Variants in PCNT observed in about 807,000 individuals in gnomAD.
PCNT encodes pericentrin.
Under a neutral mutation model 380.4 loss-of-function variants are expected in PCNT, and 319 were observed. The observed-to-expected ratio is 0.84, with a 90% CI of 0.77 to 0.92. The LOEUF is 0.92. Among genes scored for constraint, PCNT ranks in the 40% least tolerant of loss-of-function variants. The pLI is 0.00. For synonymous variants in PCNT, 1,845 were observed against 1,735.2 expected (o/e 1.06, Z -1.57); for missense variants, 4,400 against 4,255.3 (o/e 1.03, Z -0.95).
chr21:46,410,049 G>A (rs1247379782), intron 27 of PCNT, among the ~76,000 whole-genome samples: 1 of 152,268 alleles, frequency 6.6e-6, no homozygotes, highest in African/African-American at 2.4e-5. Context: ...GGAATGAGCA[G>A]AAGCTGCGTA....
intron 29 of PCNT, 45 bp from the exon 30 acceptor site, chr21:46,416,024 G>C (rs756819010): frequency 1.2e-6 from 2 of 1,606,074 alleles, no homozygotes; most frequent in African/African-American, 2.7e-5. Flanking sequence ...GCGACTCCTG[G>C]TGAGCCAGGT....
At chr21:46,342,466 T>C (rs1042387412) in intron 3 of PCNT, among the ~76,000 whole-genome samples, 1 of 152,062 alleles carries the variant, frequency 6.6e-6, no homozygotes, top group African/African-American at 2.4e-5. Context: ...AGTGCAAAGG[T>C]TTTCTGTTTT....
chr21:46,428,584 A>G lies in PCNT; in HGVS notation c.7684A>G (p.Arg2562Gly), dbSNP rs755668556. ...RGSQQEHQLR[R>G]QVELLAYKVE... ...GAGCCAGCAGGAGCACCAGCTGCGC[A>G]GGCAGGGTGGGTGTCACTGTCTACA... Residue 2562 changes from arginine (R) to glycine (G), a missense_variant, in exon 35 of 47, where the codon AGG becomes GGG. Transcript: ENST00000359568. 3 of 1,596,868 alleles carry G rather than the reference A, an allele frequency of 1.9e-6. No homozygotes were observed. The highest frequency in any genetic ancestry group is 2.5e-6 in the Non-Finnish European group (3 of 1,177,488).
At chr21:46,362,220 C>T (rs1454794910) in intron 13 of PCNT, among the ~76,000 whole-genome samples, 2 of 152,164 alleles carry the variant, frequency 1.3e-5, no homozygotes, top group African/African-American at 2.4e-5. Flanking sequence ...GAGACGTGGG[C>T]GGGTTCCTTC....
At chr21:46,329,765 G>C (rs1224010307) in intron 2 of PCNT, among the ~76,000 whole-genome samples, 2 of 152,190 alleles carry the variant, frequency 1.3e-5, no homozygotes, top group Admixed American at 6.5e-5. Flanking sequence ...ACTTATAACT[G>C]TTGCTGTGAG....
At chr21:46,424,164 G>A (rs2087390228) in intron 32 of PCNT, among the ~76,000 whole-genome samples, 1 of 152,154 alleles carries the variant, frequency 6.6e-6, no homozygotes, top group African/African-American at 2.4e-5. Flanking sequence ...CGCTCTAATA[G>A]CCCCTGTGGT....
intron 27 of PCNT, among the ~76,000 whole-genome samples, chr21:46,407,359 TGAGACGGAG>T (rs2086650448): frequency 6.7e-6 from 1 of 148,332 alleles, no homozygotes; most frequent in South Asian, 2.1e-4. Flanking sequence ...TTTTTTTTTT[TGAGACGGAG>T]TCTTGCTCCG....
chr21:46,343,168 C>G (rs2083958152), intron 3 of PCNT, among the ~76,000 whole-genome samples: 1 of 152,120 alleles, frequency 6.6e-6, no homozygotes, highest in African/African-American at 2.4e-5. Flanking sequence ...CTTCTCTTGT[C>G]TGATTGCTCT....
rs2084177923 is a variant in PCNT at position 46,349,122 on chromosome 21, G to A, written c.1143G>A (p.Gln381=). ...TGGAGGATTTACAAAACCAGTTTCAGAAAGAATTGGCAGAACAGAGAGCTG... is the reference window on the plus strand; with the variant it reads ...TGGAGGATTTACAAAACCAGTTTCAAAAAGAATTGGCAGAACAGAGAGCTG... ...SEMEDLQNQF[Q]KELAEQRAEL... Residue 381 remains glutamine (Q), a synonymous_variant, in exon 7 of 47, where the codon CAG becomes CAA. Coordinates refer to ENST00000359568, the MANE Select transcript of PCNT (RefSeq NM_006031.6). 6.2e-7 allele frequency: 1 copy of A among 1,613,640 alleles called. No individual in the cohort carries two copies. The highest frequency in any genetic ancestry group is 2.2e-5 in the East Asian group (1 of 44,888).
At chr21:46,439,519 C>G (rs928513147) in intron 41 of PCNT, among the ~76,000 whole-genome samples, 1 of 152,334 alleles carries the variant, frequency 6.6e-6, no homozygotes, top group South Asian at 2.1e-4. Context: ...CTTAAGTCAT[C>G]TCTAAGATCA....
At position 46,422,104 on chromosome 21, in the gene PCNT, G is replaced by T. The variant is rs75024419; in HGVS notation, c.7159G>T (p.Val2387Leu). Residue 2387 changes from valine (V) to leucine (L), a missense_variant, in exon 32 of 47, where the codon GTG becomes TTG. By Grantham distance (32) the Val-to-Leu change is conservative. Coordinates refer to ENST00000359568, the MANE Select transcript of PCNT (RefSeq NM_006031.6). The stretch of plus-strand genomic sequence containing the variant: ...GCCGGAAGCCATGAAGGAGAAGGAA[G>T]TGCGTCCGAAGCACGTGAAGGTATG... ...PLPEAMKEKEVRPKHVKALLQ... is the reference protein window; with the variant it reads ...PLPEAMKEKELRPKHVKALLQ... 4 of 1,613,752 alleles carry T rather than the reference G, an allele frequency of 2.5e-6. No individual in the cohort carries two copies. The Admixed American group carries it at 6.7e-5, about 27-fold the overall frequency.
Position 46,432,020 on chromosome 21 carries a change from C to T in PCNT, c.8556C>T (p.Thr2852=), listed in dbSNP as rs947283201. Residue 2852 remains threonine, a synonymous_variant, in exon 38 of 47, where the codon ACC becomes ACT. Coordinates refer to ENST00000359568, the MANE Select transcript of PCNT (RefSeq NM_006031.6). ...AGTCGACGGTGGAAGCCCTGCACAC[C>T]CAAAAACGAGAGCTGAGATGCTCTC... The part of the protein sequence containing the change: ...TLKSTVEALH[T]QKRELRCSLE... 5.0e-6 allele frequency: 8 copies of T among 1,613,626 alleles called. No individual in the cohort carries two copies. The highest frequency in any genetic ancestry group is 5.9e-6 in the Non-Finnish European group (7 of 1,180,028).
intron 8 of PCNT, 54 bp from the exon 9 acceptor site, chr21:46,351,375 G>C (rs1357746231): frequency 6.5e-6 from 6 of 916,676 alleles, no homozygotes. Flanking sequence ...GTCACTGCTG[G>C]GGTGGGGGCC....
intron 15 of PCNT, among the ~76,000 whole-genome samples, chr21:46,376,569 T>G (rs1264858547): frequency 6.6e-6 from 1 of 152,238 alleles, no homozygotes; most frequent in African/African-American, 2.4e-5. Flanking sequence ...TTAATTTTCC[T>G]GTTTTCCCAG....
At position 46,443,815 on chromosome 21, in the gene PCNT, C is replaced by T. The variant is rs757793925; in HGVS notation, c.9706C>T (p.Arg3236Ter). 3.5e-5 allele frequency: 57 copies of T among 1,613,610 alleles called. No individual in the cohort carries two copies. The highest frequency in any genetic ancestry group is 1.7e-4 in the Admixed American group (10 of 60,002). The change falls in exon 45 of 47, where the codon CGA becomes TGA. Residue 3236 changes from arginine (R) to a stop codon, truncating the protein, a stop_gained. Transcript: ENST00000359568. LOFTEE classifies it high-confidence loss of function. ...GTTAAATAATTCTGGGGAAGGGCCC[C>T]GAGCACGACAGCCGCAGTCTCCACC... ...AQGKAPRPGPRARQPQSPPRT... is the reference protein window; with the variant it reads ...AQGKAPRPGP
At chr21:46,341,946 A>ATT (rs11384688) in intron 3 of PCNT, among the ~76,000 whole-genome samples, 19,496 of 145,064 alleles carry the variant, frequency 0.13, 3,234 homozygotes, top group African/African-American at 0.39. Context: ...CTTTTTACTT[A>ATT]TTTTTTTTTT....
chr21:46,361,693 G>A (rs944489364), intron 13 of PCNT, among the ~76,000 whole-genome samples: 5 of 152,180 alleles, frequency 3.3e-5, no homozygotes, highest in Admixed American at 6.5e-5. Context: ...AGTGTTTGGC[G>A]TCATTCCCTT....
chr21:46,440,261 A>G (rs777146527), intron 42 of PCNT, 59 bp downstream of exon 42: 63 of 1,596,378 alleles, frequency 3.9e-5, no homozygotes, highest in Non-Finnish European at 5.1e-5. Context: ...GGGTTTGCAA[A>G]TTGCAGGCAA....
Position 46,391,282 on chromosome 21 carries a change from G to C in PCNT, c.4122G>C (p.Gln1374His). 6.3e-7 allele frequency: 1 copy of C among 1,588,138 alleles called. No individual in the cohort carries two copies. The highest frequency in any genetic ancestry group is 8.6e-7 in the Non-Finnish European group (1 of 1,167,532). Reference protein sequence around the residue: ...ELESLRRQLQQAAQEQAALRE... With the variant: ...ELESLRRQLQHAAQEQAALRE... ...AGAGCCTGAGACGGCAGCTGCAGCA[G>C]GCGGCCCAGGAGCAGGCGGCGCTGA... The change falls in exon 21 of 47, where the codon CAG becomes CAC. Residue 1374 changes from glutamine to histidine, a missense_variant. By Grantham distance (24) the Gln-to-His change is conservative. Transcript: ENST00000359568.
Sources: allele counts gnomAD v4.1 joint callset (sites outside exome capture counted in the v4.1 genomes callset), GRCh38; gene constraint gnomAD v4.1.1; transcripts MANE v1.5; gene names NCBI Gene and HGNC (gene_info 2026-07-23, HGNC 2026-07-21).